The following EDEM3 variants were observed in gnomAD, a reference collection of about 807,000 sequenced individuals.
The protein encoded by EDEM3 is ER degradation-enhancing alpha-mannosidase-like protein 3.
Under a neutral mutation model 110.2 loss-of-function variants are expected in EDEM3, and 60 were observed. The observed-to-expected ratio is 0.54, with a 90% confidence interval of 0.44 to 0.67. The LOEUF is 0.67. Ranked by LOEUF, EDEM3 falls within the 30% of genes least tolerant of loss-of-function variation. EDEM3 has a pLI of 0.00. For synonymous variants in EDEM3, 352 were observed against 382.9 expected, an observed-to-expected ratio of 0.92 and a Z score of 0.94; for missense variants, 996 against 1,121.0, an observed-to-expected ratio of 0.89 and a Z score of 1.59.
In EDEM3 at chr1:184,732,864, G is replaced by T; in HGVS notation, c.585C>A (p.Asn195Lys). The change falls in exon 6 of 20, where the codon AAC becomes AAA. Residue 195 changes from asparagine to lysine, a missense_variant. Physicochemically the swap from Asn to Lys is moderately conservative, Grantham distance 94. Around this residue, in one of 5 missense-constraint regions of EDEM3, gnomAD observed 310 missense variants for 394.6 expected, o/e 0.79. Transcript: ENST00000318130. ...QLGYKLLPAFNTTSGLPYPRI... is the reference protein window; with the variant it reads ...QLGYKLLPAFKTTSGLPYPRI... The stretch of plus-strand genomic sequence containing the variant: ...TTGGATAAGGAAGGCCACTGGTAGT[G>T]TTGAAAGCCGGTAAAAGTTTGTAAC... 6.2e-7 allele frequency: 1 copy of T among 1,613,736 alleles called. No individual in the cohort carries two copies. Among genetic ancestry groups the T allele is most frequent in the East Asian group, 2.2e-5 (1 of 44,858 alleles).
At chr1:184,749,431 A>T in intron 2 of EDEM3, 116 bp downstream of exon 2, 1 of 845,460 alleles carries the variant, frequency 1.2e-6, no homozygotes, top group African/African-American at 1.8e-5. Flanking sequence ...CCTGTTTTTT[A>T]AAAACTTCCT....
At chr1:184,705,374 G>T (rs1466552796) in intron 18 of EDEM3, among the ~76,000 whole-genome samples, 1 of 152,166 alleles carries the variant, frequency 6.6e-6, no homozygotes, top group Non-Finnish European at 1.5e-5. Flanking sequence ...TAACTGGCTA[G>T]ATGATGAATA....
intron 2 of EDEM3, among the ~76,000 whole-genome samples, chr1:184,747,813 T>C (rs1223742083): frequency 1.3e-5 from 2 of 152,196 alleles, no homozygotes; most frequent in East Asian, 1.9e-4. Context: ...ATTCTATAGT[T>C]AGAAAAAATG....
chr1:184,703,793 A>G (rs542772433), intron 18 of EDEM3, among the ~76,000 whole-genome samples: 1 of 152,232 alleles, frequency 6.6e-6, no homozygotes, highest in East Asian at 1.9e-4. Flanking sequence ...TGGCTACCTG[A>G]CCCTGAGTCT....
Position 184,716,939 on chromosome 1 carries a change from G to A in EDEM3, c.1319C>T (p.Pro440Leu). ...IENLNKYARVPCGFAAMKDVR... is the reference protein window; with the variant it reads ...IENLNKYARVLCGFAAMKDVR... ...ATCCTTCATGGCAGCAAATCCGCAA[G>A]GCACTCTAGCATATTTATTTAAATT... The change falls in exon 13 of 20, where the codon CCT becomes CTT. Residue 440 changes from proline to leucine, a missense_variant. Transcript: ENST00000318130. The A allele has an allele frequency of 1.2e-6, 2 of 1,613,190 alleles. No individual in the cohort carries two copies. Among genetic ancestry groups the A allele is most frequent in the Non-Finnish European group, 8.5e-7 (1 of 1,179,336 alleles).
chr1:184,725,650 C>T lies in EDEM3; in HGVS notation c.747+605G>A, dbSNP rs1423469761. 2.0e-5 allele frequency among the ~76,000 whole-genome samples: 3 copies of T among 151,684 alleles called. No individual in the cohort carries two copies. The East Asian group carries it at 5.8e-4, about 29-fold the overall frequency. On this transcript the variant is annotated intron_variant, in intron 7 of 19. Transcript: ENST00000318130. ...CATTTGTTGAATTTTTAAACATTAA[C>T]CTAAGTCATATGCTTGAAAAAGAGG...
At chr1:184,726,888 A>C (rs1651223107) in intron 6 of EDEM3, among the ~76,000 whole-genome samples, 2 of 152,234 alleles carry the variant, frequency 1.3e-5, no homozygotes, top group African/African-American at 4.8e-5. Context: ...GGAAATTAAA[A>C]TTTCATTTAC....
intron 16 of EDEM3, 84 bp downstream of exon 16, chr1:184,710,310 T>C (rs1182179859): frequency 2.7e-6 from 4 of 1,482,430 alleles, no homozygotes; most frequent in East Asian, 2.3e-5. Context: ...GTTTAGAAAG[T>C]TGAAATCCAT....
chr1:184,709,435 T>C (rs1359944758), intron 16 of EDEM3, among the ~76,000 whole-genome samples: 7 of 152,204 alleles, frequency 4.6e-5, no homozygotes, highest in Admixed American at 2.6e-4. Context: ...ACTGTTTACA[T>C]TGAGTGGTTG....
chr1:184,702,472 G>C (rs1225063383), intron 19 of EDEM3, among the ~76,000 whole-genome samples: 2 of 152,144 alleles, frequency 1.3e-5, no homozygotes, highest in African/African-American at 4.8e-5. Context: ...GTAAGATGTA[G>C]TATCAGTGAA....
In EDEM3 at chr1:184,697,991, G is replaced by A. The variant is rs867446560; in HGVS notation, c.2390-3519C>T. 1.1e-3 allele frequency among the ~76,000 whole-genome samples: 167 copies of A among 151,080 alleles called. 1 individual carries two copies. Among genetic ancestry groups the A allele is most frequent in the African/African-American group, 3.8e-3 (157 of 41,202 alleles). On this transcript the variant is annotated intron_variant, in intron 19 of 19. Transcript: ENST00000318130. ...GTATGTATGTAAATATAGGAAATGC[G>A]CACACACACAAACAGAGAGGTCCTA...
At chr1:184,734,239 C>T (rs1168584800) in intron 5 of EDEM3, among the ~76,000 whole-genome samples, 1 of 152,146 alleles carries the variant, frequency 6.6e-6, no homozygotes, top group Non-Finnish European at 1.5e-5. Context: ...GAGGCCGAGG[C>T]AGGCAGATCA....
At position 184,719,446 on chromosome 1, in the gene EDEM3, C is replaced by A; in HGVS notation, c.1074G>T (p.Leu358Phe). ...MDALLAFFPG[L>F]QVLKGDIRPA... is the part of the protein sequence containing the mutation. ...AAGAAGACAGAATTCTTTATACCTG[C>A]AAGCCTGGGAAGAAGGCAAGCAAAG... The change falls in exon 10 of 20, where the codon TTG becomes TTT. Residue 358 changes from leucine (L) to phenylalanine (F), a missense_variant. Physicochemically the swap from Leu to Phe is conservative, Grantham distance 22. Coordinates refer to ENST00000318130, the MANE Select transcript of EDEM3 (RefSeq NM_025191.4). 1.2e-6 allele frequency: 2 copies of A among 1,612,164 alleles called. No individual in the cohort carries two copies. The highest frequency in any genetic ancestry group is 1.7e-6 in the Non-Finnish European group (2 of 1,179,432).
In EDEM3 at chr1:184,694,187, T is replaced by A; in HGVS notation, c.2675A>T (p.Glu892Val). The A allele has an allele frequency of 6.2e-7, 1 of 1,613,494 alleles. No homozygotes were observed. The highest frequency in any genetic ancestry group is 1.3e-5 in the African/African-American group (1 of 75,010). Residue 892 changes from glutamate (E) to valine (V), a missense_variant, in exon 20 of 20, where the codon GAA (glutamate) becomes GTA (valine). By Grantham distance (121) the Glu-to-Val change is moderately radical. This residue lies in a region of EDEM3 where 345 missense variants were observed against 402.0 expected (regional missense o/e 0.86). Transcript: ENST00000318130. ...DLDNQLQEQS[E>V]TEEDSNPNVS... is the part of the protein sequence containing the mutation. The stretch of plus-strand genomic sequence containing the variant: ...ATTAGGATTGGAATCTTCCTCAGTT[T>A]CTGATTGTTCTTGAAGCTGGTTATC...
chr1:184,714,933 A>C (rs1469872453), intron 13 of EDEM3, among the ~76,000 whole-genome samples: 1 of 152,178 alleles, frequency 6.6e-6, no homozygotes, highest in African/African-American at 2.4e-5. Context: ...CTCCTAAAAA[A>C]TCTAAAGCAC....
At chr1:184,712,164 G>A (rs1650283406) in intron 14 of EDEM3, among the ~76,000 whole-genome samples, 2 of 152,070 alleles carry the variant, frequency 1.3e-5, no homozygotes, top group South Asian at 4.2e-4. Flanking sequence ...CTGACCTTGT[G>A]ATCCACCTAC....
At position 184,691,234 on chromosome 1, in the gene EDEM3, C is replaced by T. The variant is rs1649049148; in HGVS notation, c.*2829G>A. The T allele has an allele frequency of 6.6e-6, 1 of 152,384 alleles. No homozygotes were observed. Among genetic ancestry groups the T allele is most frequent in the South Asian group, 2.1e-4 (1 of 4,830 alleles). 9.4% of individuals were successfully genotyped at this position (152,384 alleles called of 1,614,324 possible). On this transcript the variant is annotated 3_prime_UTR_variant, in exon 20 of 20. Coordinates refer to ENST00000318130, the MANE Select transcript of EDEM3 (RefSeq NM_025191.4). ...CAAACATATCTAGTAAATTACAATT[C>T]TTTCACACTTAAAACTTTATGGGAA...
chr1:184,705,482 G>A (rs1041844567), intron 18 of EDEM3, among the ~76,000 whole-genome samples: 1 of 152,210 alleles, frequency 6.6e-6, no homozygotes, highest in Non-Finnish European at 1.5e-5. Flanking sequence ...TGGCATGACT[G>A]TGTCCCAATA....
intron 6 of EDEM3, among the ~76,000 whole-genome samples, chr1:184,731,056 CA>C (rs1651483993): frequency 6.6e-6 from 1 of 151,932 alleles, no homozygotes; most frequent in Admixed American, 6.5e-5. Flanking sequence ...GATAATTTGA[CA>C]AAAATTAGAT....
Sources: gnomAD v4.1 joint callset for allele counts (sites outside exome capture counted in the v4.1 genomes callset) on GRCh38, gnomAD v4.1.1 for gene constraint, gnomAD v4.1.1 regional missense constraint, MANE v1.5 for transcripts, NCBI Gene and HGNC (gene_info 2026-07-23, HGNC 2026-07-21) for gene names.